Variants in KCNMA1 observed in about 807,000 individuals in gnomAD.
KCNMA1 encodes potassium calcium-activated channel subfamily M alpha 1.
In KCNMA1, 29 loss-of-function variants were observed where a neutral mutation model predicts 140.0. That is an observed-to-expected ratio of 0.21 (90% CI 0.15 to 0.28). The LOEUF (loss-of-function observed/expected upper bound fraction) is 0.28. KCNMA1 is among the 10% of genes least tolerant of loss of function. KCNMA1 has a pLI of 1.00. For missense variants in KCNMA1, 880 were observed against 1,602.2 expected (o/e 0.55, Z 7.70); for synonymous variants, 612 against 611.9 (o/e 1.00, Z 0.00).
chr10:77,310,180 G>A (rs1176592654), intron 2 of KCNMA1, among the ~76,000 whole-genome samples: 5 of 152,176 alleles, frequency 3.3e-5, no homozygotes, highest in South Asian at 2.1e-4. Flanking sequence ...TTTAGACAGC[G>A]TGCACTAGTA....
intron 2 of KCNMA1, among the ~76,000 whole-genome samples, chr10:77,360,713 G>A (rs1204225099): frequency 6.6e-6 from 1 of 152,196 alleles, no homozygotes; most frequent in Admixed American, 6.5e-5. Flanking sequence ...GGGAAACTCA[G>A]GGGAGAAACT....
rs1028874157 is a variant in KCNMA1, at chr10:77,036,534, G to A, written c.1859+2994C>T. ...GTTATTGGCTGCATATTGTTTTAGC[G>A]CAGCGCATAATTACAGAAACTGCTC... is the stretch of plus-strand genomic sequence containing the variant. On this transcript the variant is annotated intron_variant, in intron 15 of 27. Coordinates refer to ENST00000286628, the MANE Select transcript of KCNMA1 (RefSeq NM_001161352.2). Among the ~76,000 whole-genome samples, 22 of 152,310 alleles carry A rather than the reference G, an allele frequency of 1.4e-4. No homozygotes were observed. The South Asian group carries it at 1.7e-3, about 11-fold the overall frequency.
At chr10:77,602,296 G>A (rs2082906122) in intron 1 of KCNMA1, among the ~76,000 whole-genome samples, 3 of 152,092 alleles carry the variant, frequency 2.0e-5, no homozygotes, top group Non-Finnish European at 2.9e-5. Flanking sequence ...AGCATGACAC[G>A]GGCTCAGAAA....
intron 24 of KCNMA1, chr10:76,913,548 G>A (rs1373094594): frequency 2.5e-5 from 3 of 122,252 alleles, no homozygotes; most frequent in African/African-American, 1.3e-4. Context: ...TGCCCTAGTA[G>A]GGGGGAAAAA....
chr10:77,628,711 T>G (rs558230424), intron 1 of KCNMA1, among the ~76,000 whole-genome samples: 68 of 151,622 alleles, frequency 4.5e-4, no homozygotes, highest in Non-Finnish European at 7.8e-4. Flanking sequence ...CTTCCCCAAG[T>G]AAAAGTCAAC....
chr10:76,879,717 A>G (rs1564670510), intron 29 of KCNMA1, among the ~76,000 whole-genome samples: 1 of 152,236 alleles, frequency 6.6e-6, no homozygotes, highest in African/African-American at 2.4e-5. Context: ...CTGTGTACAC[A>G]TCAAAATAAT....
At chr10:76,968,695 T>G (rs1056598269) in intron 20 of KCNMA1, among the ~76,000 whole-genome samples, 1 of 152,178 alleles carries the variant, frequency 6.6e-6, no homozygotes, top group African/African-American at 2.4e-5. Flanking sequence ...TAAACAAGCA[T>G]GCAAATCAGC....
chr10:77,126,841 G>A (rs2097753444), intron 5 of KCNMA1, among the ~76,000 whole-genome samples: 1 of 151,774 alleles, frequency 6.6e-6, no homozygotes, highest in Non-Finnish European at 1.5e-5. Context: ...CCAGGCAGCT[G>A]CAGCCAGCCT....
chr10:77,070,697 AG>A (rs2096167668), intron 14 of KCNMA1, among the ~76,000 whole-genome samples: 1 of 152,068 alleles, frequency 6.6e-6, no homozygotes, highest in South Asian at 2.1e-4. Context: ...CCCCAACAAA[AG>A]TAAGTGAGGG....
chr10:77,458,596 A>G (rs1367156502), intron 1 of KCNMA1, among the ~76,000 whole-genome samples: 1 of 152,256 alleles, frequency 6.6e-6, no homozygotes, highest in Non-Finnish European at 1.5e-5. Context: ...AACCTCAAAA[A>G]TGGCAATTTC....
intron 1 of KCNMA1, among the ~76,000 whole-genome samples, chr10:77,546,887 AC>A (rs2061570368): frequency 6.6e-6 from 1 of 152,078 alleles, no homozygotes; most frequent in Non-Finnish European, 1.5e-5. Flanking sequence ...TGCTTTGTAA[AC>A]CCACTCTCAT....
intron 1 of KCNMA1, among the ~76,000 whole-genome samples, chr10:77,618,931 G>A (rs1439380243): frequency 6.6e-6 from 1 of 152,232 alleles, no homozygotes; most frequent in African/African-American, 2.4e-5. Context: ...GTCCGGCAGT[G>A]TGAACAGCAT....
At chr10:77,166,575 A>G (rs1338856796) in intron 5 of KCNMA1, among the ~76,000 whole-genome samples, 1 of 152,090 alleles carries the variant, frequency 6.6e-6, no homozygotes, top group Admixed American at 6.6e-5. Flanking sequence ...GGAAGGAAGA[A>G]GAAAGAGAGG....
At chr10:76,997,324 G>C (rs944587048) in intron 19 of KCNMA1, among the ~76,000 whole-genome samples, 3 of 152,198 alleles carry the variant, frequency 2.0e-5, no homozygotes, top group African/African-American at 7.2e-5. Flanking sequence ...TTTGCAAAAG[G>C]CTGCATGTAA....
intron 5 of KCNMA1, among the ~76,000 whole-genome samples, chr10:77,177,912 A>G (rs1321153509): frequency 6.6e-6 from 1 of 152,212 alleles, no homozygotes; most frequent in Non-Finnish European, 1.5e-5. Flanking sequence ...TCAAACAGGA[A>G]CAATGTTTTG....
intron 1 of KCNMA1, among the ~76,000 whole-genome samples, chr10:77,495,015 A>G (rs530162761): frequency 6.6e-6 from 1 of 152,322 alleles, no homozygotes; most frequent in East Asian, 1.9e-4. Flanking sequence ...AGCCCACGCT[A>G]ATGATCTCAT....
intron 2 of KCNMA1, among the ~76,000 whole-genome samples, chr10:77,290,541 G>A (rs1349281427): frequency 6.6e-6 from 1 of 152,168 alleles, no homozygotes; most frequent in Non-Finnish European, 1.5e-5. Context: ...GTATCTTCAA[G>A]CACTTTAATC....
At chr10:76,882,632 C>T (rs1462611587), downstream of KCNMA1, among the ~76,000 whole-genome samples, 4 of 152,202 alleles carry the variant, frequency 2.6e-5, no homozygotes, top group African/African-American at 9.7e-5. Context: ...GCTACCATGA[C>T]TCTGTCTCTT....
intron 1 of KCNMA1, among the ~76,000 whole-genome samples, chr10:77,423,772 T>A (rs2096918797): frequency 1.3e-5 from 2 of 152,130 alleles, no homozygotes; most frequent in Non-Finnish European, 2.9e-5. Flanking sequence ...CAACAGACTG[T>A]GAGACTTTTA....
Sources: gnomAD v4.1 joint callset for allele counts (sites outside exome capture counted in the v4.1 genomes callset) on GRCh38, gnomAD v4.1.1 for gene constraint, MANE v1.5 for transcripts, NCBI Gene and HGNC (gene_info 2026-07-23, HGNC 2026-07-21) for gene names.